Variants in SESTD1 observed in about 807,000 individuals in gnomAD.
SESTD1 encodes the protein SEC14 domain and spectrin repeat-containing protein 1.
SESTD1 carries 43 observed loss-of-function variants against 101.7 expected under a neutral mutation model. The observed-to-expected ratio is 0.42, with a 90% CI of 0.33 to 0.55. The LOEUF (loss-of-function observed/expected upper bound fraction) is 0.55, where lower values mean the gene tolerates loss of function less well. SESTD1 is among the 20% of genes least tolerant of loss of function. The pLI is 0.07. For synonymous variants in SESTD1, 283 were observed against 286.8 expected, an observed-to-expected ratio of 0.99 and a Z score of 0.13; for missense variants, 647 against 815.1, an observed-to-expected ratio of 0.79 and a Z score of 2.51.
intron 3 of SESTD1, among the ~76,000 whole-genome samples, chr2:179,178,091 T>G (rs1238084028): frequency 2.0e-5 from 3 of 152,186 alleles, no homozygotes; most frequent in Admixed American, 2.0e-4. Flanking sequence ...TATTTTGGGC[T>G]GATAAAAATG....
In SESTD1 at chr2:179,110,018, A is replaced by G. The variant is rs2044470643; in HGVS notation, c.1972T>C (p.Tyr658His). 6.2e-7 allele frequency: 1 copy of G among 1,613,634 alleles called. No homozygotes were observed. The highest frequency in any genetic ancestry group is 1.3e-5 in the African/African-American group (1 of 74,894). ...GCCATGTCACTTGGACTCCCAAAAT[A>G]TTGTTCGGTTCTAAAAATCAAAACA... ...PVVYPDGTEQ[Y>H]FGSPSDMAST... The change falls in exon 18 of 18, where the codon TAT becomes CAT. Residue 658 changes from tyrosine (Y) to histidine (H), a missense_variant. Coordinates refer to ENST00000428443, the MANE Select transcript of SESTD1 (RefSeq NM_178123.5).
At chr2:179,217,987 CG>C (rs1200974313) in intron 1 of SESTD1, among the ~76,000 whole-genome samples, 1 of 123,734 alleles carries the variant, frequency 8.1e-6, no homozygotes. Flanking sequence ...TTGGGGGTTG[CG>C]GGGCTGGGGG....
intron 5 of SESTD1, among the ~76,000 whole-genome samples, chr2:179,159,892 T>C (rs1332144641): frequency 6.6e-6 from 1 of 152,252 alleles, no homozygotes; most frequent in Admixed American, 6.5e-5. Flanking sequence ...TTTGCTCTTG[T>C]CACCCAGACT....
chr2:179,189,000 TACA>T (rs2046279083), intron 2 of SESTD1, among the ~76,000 whole-genome samples: 1 of 152,078 alleles, frequency 6.6e-6, no homozygotes, highest in South Asian at 2.1e-4. Flanking sequence ...CTACCAGACA[TACA>T]GAGAAGAGCT....
intron 5 of SESTD1, among the ~76,000 whole-genome samples, chr2:179,171,773 C>T (rs1477964925): frequency 1.3e-5 from 2 of 152,120 alleles, no homozygotes; most frequent in South Asian, 2.1e-4. Flanking sequence ...AAAAAATAGA[C>T]TATAATTTCA....
At chr2:179,174,587 G>T (rs2045978609) in intron 4 of SESTD1, 1 of 376,518 alleles carries the variant, frequency 2.7e-6, no homozygotes, top group South Asian at 2.1e-5. Context: ...AAATATAAAA[G>T]TGCTGGAAGC....
rs202067148 is a variant in SESTD1, at chr2:179,132,432, A to C, written c.850-6T>G. The C allele has an allele frequency of 4.5e-5, 69 of 1,539,042 alleles. No homozygotes were observed. Among genetic ancestry groups the C allele is most frequent in the Middle Eastern group, 1.7e-4 (1 of 5,844 alleles). On this transcript the variant is annotated splice_polypyrimidine_tract_variant and splice_region_variant and intron_variant, in intron 9 of 17. Coordinates refer to ENST00000428443, the MANE Select transcript of SESTD1 (RefSeq NM_178123.5). Reference sequence around the variant, plus strand: ...CCTTCTAGCCAGTTCACCACCTATAAACAAAAGTTGAGATAACATTTTTTA... The same window carrying C: ...CCTTCTAGCCAGTTCACCACCTATACACAAAAGTTGAGATAACATTTTTTA...
chr2:179,177,155 A>G (rs2046025715), intron 3 of SESTD1, among the ~76,000 whole-genome samples: 1 of 152,210 alleles, frequency 6.6e-6, no homozygotes, highest in Non-Finnish European at 1.5e-5. Context: ...TATTATCTTC[A>G]GTGTTGGATT....
intron 1 of SESTD1, among the ~76,000 whole-genome samples, chr2:179,255,654 T>C (rs530603212): frequency 2.2e-4 from 34 of 152,358 alleles, no homozygotes; most frequent in African/African-American, 7.0e-4. Context: ...AGTGCTGATG[T>C]AGAAGCTGCA....
intron 16 of SESTD1, among the ~76,000 whole-genome samples, 165 bp downstream of exon 16, chr2:179,114,900 T>C (rs2044593851): frequency 6.6e-6 from 1 of 152,174 alleles, no homozygotes; most frequent in African/African-American, 2.4e-5. Flanking sequence ...AAATTTAATT[T>C]GAACTCTCTA....
chr2:179,161,075 C>CT (rs56092247), intron 5 of SESTD1, among the ~76,000 whole-genome samples: 1,716 of 134,168 alleles, frequency 0.013, 21 homozygotes, highest in African/African-American at 0.036. Context: ...CCATACCTAG[C>CT]TTTTTTTTTT....
At chr2:179,112,659 C>T in intron 17 of SESTD1, 65 bp downstream of exon 17, 3 of 1,479,952 alleles carry the variant, frequency 2.0e-6, no homozygotes, top group Non-Finnish European at 2.7e-6. Context: ...TAGATTTCCT[C>T]TTTTAATGAT....
chr2:179,191,522 T>G (rs1347969757), intron 2 of SESTD1, among the ~76,000 whole-genome samples: 1 of 152,030 alleles, frequency 6.6e-6, no homozygotes, highest in African/African-American at 2.4e-5. Flanking sequence ...ACCCCAAACC[T>G]TAGTATCATG....
intron 1 of SESTD1, among the ~76,000 whole-genome samples, chr2:179,201,673 AC>A: frequency 8.0e-6 from 1 of 124,238 alleles, no homozygotes; most frequent in East Asian, 2.0e-4. Flanking sequence ...TATCGCAAGA[AC>A]AAAAAACCAA....
At chr2:179,173,117 G>T (rs927549732) in intron 4 of SESTD1, among the ~76,000 whole-genome samples, 3 of 152,124 alleles carry the variant, frequency 2.0e-5, no homozygotes, top group Non-Finnish European at 4.4e-5. Context: ...TGAAAAGTCT[G>T]TTCCACTTCA....
At chr2:179,168,187 TTCC>T (rs1249321708) in intron 5 of SESTD1, among the ~76,000 whole-genome samples, 2 of 152,156 alleles carry the variant, frequency 1.3e-5, no homozygotes, top group African/African-American at 2.4e-5. Flanking sequence ...CCACTTCCTC[TTCC>T]TCCTCAGCCT....
intron 1 of SESTD1, among the ~76,000 whole-genome samples, chr2:179,198,855 A>G (rs2046450570): frequency 1.3e-5 from 2 of 151,630 alleles, no homozygotes; most frequent in South Asian, 4.2e-4. Flanking sequence ...AGAAAGCAGG[A>G]AAGATCCAAA....
intron 1 of SESTD1, among the ~76,000 whole-genome samples, chr2:179,193,903 T>C (rs1346823467): frequency 6.6e-6 from 1 of 152,186 alleles, no homozygotes; most frequent in Non-Finnish European, 1.5e-5. Flanking sequence ...CTTGCCCCAG[T>C]ACTATTTTAC....
chr2:179,194,124 C>T (rs2046356886), intron 1 of SESTD1, among the ~76,000 whole-genome samples: 1 of 152,172 alleles, frequency 6.6e-6, no homozygotes, highest in Non-Finnish European at 1.5e-5. Flanking sequence ...GTTGAGGCCA[C>T]ACCTTCTTCC....
Sources: allele counts gnomAD v4.1 joint callset (sites outside exome capture counted in the v4.1 genomes callset), GRCh38; gene constraint gnomAD v4.1.1; transcripts MANE v1.5; gene names NCBI Gene and HGNC (gene_info 2026-07-23, HGNC 2026-07-21).